The following GRB10 variants were observed in gnomAD, a reference collection of about 807,000 sequenced individuals.
The protein encoded by GRB10 is growth factor receptor bound protein 10.
Under a neutral mutation model 80.9 loss-of-function variants are expected in GRB10, and 20 were observed. That is an observed-to-expected ratio of 0.25 (90% CI 0.17 to 0.36). GRB10 has a LOEUF of 0.36. Among genes scored for constraint, GRB10 ranks in the 10% least tolerant of loss-of-function variants. GRB10 has a pLI of 1.00. For synonymous variants in GRB10, 291 were observed against 291.5 expected (o/e 1.00, Z 0.02); for missense variants, 548 against 747.7 (o/e 0.73, Z 3.12).
chr7:50,631,019 C>T (rs1011437296), intron 7 of GRB10, among the ~76,000 whole-genome samples: 2 of 152,132 alleles, frequency 1.3e-5, no homozygotes, highest in African/African-American at 4.8e-5. Flanking sequence ...TATATCTCCA[C>T]GGCCCCAAAC....
chr7:50,763,244 G>A (rs1231987824), intron 2 of GRB10, among the ~76,000 whole-genome samples: 2 of 152,158 alleles, frequency 1.3e-5, no homozygotes, highest in Non-Finnish European at 2.9e-5. Flanking sequence ...ATGGGGAGAG[G>A]ATAGAAGCAA....
chr7:50,679,237 T>G (rs771007388), intron 5 of GRB10, among the ~76,000 whole-genome samples: 140 of 152,324 alleles, frequency 9.2e-4, no homozygotes, highest in Non-Finnish European at 1.7e-3. Flanking sequence ...ATTAGCAAAC[T>G]GAGGCTGGCT....
intron 2 of GRB10, among the ~76,000 whole-genome samples, chr7:50,767,781 T>G (rs1050069980): frequency 6.6e-6 from 1 of 152,206 alleles, no homozygotes. Context: ...GGACCCTGAC[T>G]GTGTCCTACA....
At chr7:50,613,612 C>T (rs772753188) in intron 12 of GRB10, among the ~76,000 whole-genome samples, 1 of 152,168 alleles carries the variant, frequency 6.6e-6, no homozygotes, top group Non-Finnish European at 1.5e-5. Context: ...GGTGTGACTA[C>T]CCTGCGCTCG....
chr7:50,619,889 A>T (rs1197010729), intron 8 of GRB10, among the ~76,000 whole-genome samples: 1 of 152,140 alleles, frequency 6.6e-6, no homozygotes, highest in Non-Finnish European at 1.5e-5. Context: ...CAGGGAAGAA[A>T]ACACACTCCA....
intron 7 of GRB10, among the ~76,000 whole-genome samples, chr7:50,654,806 C>A (rs1271967658): frequency 6.6e-6 from 1 of 152,164 alleles, no homozygotes; most frequent in Admixed American, 6.5e-5. Flanking sequence ...CCCTTTCCTG[C>A]TAGATGGCTT....
chr7:50,708,786 CT>C (rs1202027534), intron 4 of GRB10, among the ~76,000 whole-genome samples: 1 of 151,408 alleles, frequency 6.6e-6, no homozygotes, highest in Non-Finnish European at 1.5e-5. Flanking sequence ...AGCAATTCCC[CT>C]GCCTCAGCCT....
intron 7 of GRB10, among the ~76,000 whole-genome samples, chr7:50,656,466 C>T (rs2058660054): frequency 6.6e-6 from 1 of 152,226 alleles, no homozygotes; most frequent in Non-Finnish European, 1.5e-5. Context: ...TATGCAAACG[C>T]CACTAGACTC....
At chr7:50,696,555 T>G (rs143066223) in intron 5 of GRB10, among the ~76,000 whole-genome samples, 132 of 152,126 alleles carry the variant, frequency 8.7e-4, no homozygotes, top group African/African-American at 3.1e-3. Context: ...CTCTACAGAG[T>G]CAACTCTATC....
At chr7:50,715,454 G>T (rs2066705590) in intron 4 of GRB10, among the ~76,000 whole-genome samples, 1 of 152,200 alleles carries the variant, frequency 6.6e-6, no homozygotes, top group South Asian at 2.1e-4. Flanking sequence ...AGCCATTACA[G>T]CAGGAACAAT....
intron 13 of GRB10, 85 bp downstream of exon 13, chr7:50,612,656 T>C: frequency 2.3e-6 from 2 of 853,014 alleles, no homozygotes; most frequent in Non-Finnish European, 4.0e-6. Context: ...TACGAGCATT[T>C]TCCTGCCAGA....
chr7:50,766,598 G>A (rs1377014792), intron 2 of GRB10, among the ~76,000 whole-genome samples: 2 of 64,238 alleles, frequency 3.1e-5, no homozygotes, highest in Non-Finnish European at 7.4e-5. Flanking sequence ...ACTGTGCGAG[G>A]AGTAAATAGT....
intron 12 of GRB10, among the ~76,000 whole-genome samples, chr7:50,613,554 G>A (rs1425580856): frequency 6.6e-6 from 1 of 152,166 alleles, no homozygotes; most frequent in Non-Finnish European, 1.5e-5. Context: ...AACAATGCTG[G>A]ACACACCCCA....
At chr7:50,686,214 C>T (rs544619561) in intron 5 of GRB10, among the ~76,000 whole-genome samples, 16 of 152,182 alleles carry the variant, frequency 1.1e-4, no homozygotes, top group Non-Finnish European at 1.9e-4. Flanking sequence ...TGATGGAATT[C>T]GTGCCCTTAT....
At chr7:50,765,256 T>C (rs1485620521) in intron 2 of GRB10, among the ~76,000 whole-genome samples, 1 of 152,214 alleles carries the variant, frequency 6.6e-6, no homozygotes, top group Non-Finnish European at 1.5e-5. Context: ...GAGAACAATA[T>C]GGAGGTTCCT....
In GRB10 at chr7:50,775,161, C is replaced by CAAAAAAAAAAAAAAAAAAAAAAAAA. The variant is rs777553621; in HGVS notation, c.-217+5465_-217+5466insTTTTTTTTTTTTTTTTTTTTTTTTT. On this transcript the variant is annotated intron_variant, in intron 2 of 18. Transcript: ENST00000401949. ...GAATGACACAGTGAGATCCTGTCTC[C>CAAAAAAAAAAAAAAAAAAAAAAAAA]AAAAAAAAAAAACAAAAAAAAACAG... 1.4e-3 allele frequency among the ~76,000 whole-genome samples: 44 copies of CAAAAAAAAAAAAAAAAAAAAAAAAA among 31,010 alleles called. 8 individuals carry two copies. Among genetic ancestry groups the CAAAAAAAAAAAAAAAAAAAAAAAAA allele is most frequent in the Middle Eastern group, 0.1 (2 of 20 alleles). The allele number at this position is 31,010 out of a possible 152,430, so 20.3% of individuals were successfully genotyped here.
At chr7:50,685,573 G>A (rs1005510443) in intron 5 of GRB10, among the ~76,000 whole-genome samples, 1 of 152,170 alleles carries the variant, frequency 6.6e-6, no homozygotes, top group African/African-American at 2.4e-5. Flanking sequence ...TACAGTGTGC[G>A]TCCTCAGATG....
intron 4 of GRB10, among the ~76,000 whole-genome samples, chr7:50,720,422 C>A (rs184366594): frequency 2.6e-5 from 4 of 152,100 alleles, no homozygotes; most frequent in Admixed American, 2.6e-4. Context: ...CAAACCCTAC[C>A]TAAGTGACCC....
Position 50,605,884 on chromosome 7 carries a change from G to T in GRB10, c.1272+453C>A, listed in dbSNP as rs115136394. Among the ~76,000 whole-genome samples the T allele has an allele frequency of 5.4e-3, 829 of 152,348 alleles. 2 individuals carry two copies. The highest frequency in any genetic ancestry group is 0.019 in the African/African-American group (797 of 41,576). On this transcript the variant is annotated intron_variant, in intron 14 of 18. Coordinates refer to ENST00000401949, the MANE Select transcript of GRB10 (RefSeq NM_001350814.2). ...GGACTGTATTTTGAGAAGATGAAGT[G>T]CTTCTGCTCCTTTGAGAACAGAGTG...
Sources: allele counts gnomAD v4.1 joint callset (sites outside exome capture counted in the v4.1 genomes callset), GRCh38; gene constraint gnomAD v4.1.1; transcripts MANE v1.5; gene names NCBI Gene and HGNC (gene_info 2026-07-23, HGNC 2026-07-21).